FAM135B: variants seen among roughly 807,000 people sequenced by gnomAD.
FAM135B encodes family with sequence similarity 135 member B, also known as protein FAM135B.
A neutral mutation model predicts 127.7 loss-of-function variants in FAM135B; 43 were observed. That is an observed-to-expected ratio of 0.34 (90% CI 0.26 to 0.43). The LOEUF is 0.43. Ranked by LOEUF, FAM135B falls within the 20% of genes least tolerant of loss-of-function variation. FAM135B has a pLI of 1.00. For missense variants in FAM135B, 1,558 were observed against 1,725.6 expected (o/e 0.90, Z 1.72); for synonymous variants, 670 against 665.1 (o/e 1.01, Z -0.11).
intron 2 of FAM135B, among the ~76,000 whole-genome samples, chr8:138,333,527 T>A (rs1010355724): frequency 1.3e-5 from 2 of 152,098 alleles, no homozygotes; most frequent in African/African-American, 4.8e-5. Flanking sequence ...TCCTCTGTTG[T>A]CTAAGGGCCG....
intron 3 of FAM135B, among the ~76,000 whole-genome samples, chr8:138,271,768 AC>A (rs1823394605): frequency 6.6e-6 from 1 of 152,228 alleles, no homozygotes; most frequent in Non-Finnish European, 1.5e-5. Flanking sequence ...TGGAAAAGTC[AC>A]TTTTCTATAA....
At chr8:138,164,315 A>G (rs1563715389) in intron 12 of FAM135B, among the ~76,000 whole-genome samples, 1 of 152,140 alleles carries the variant, frequency 6.6e-6, no homozygotes, top group Admixed American at 6.5e-5. Context: ...AGCCTGGAGA[A>G]GAGAGACCCG....
chr8:138,411,303 T>C (rs11993743), intron 1 of FAM135B, among the ~76,000 whole-genome samples: 1,579 of 152,006 alleles, frequency 0.01, 28 homozygotes, highest in African/African-American at 0.036. Flanking sequence ...TATAGATCAA[T>C]GGAACAGAAC....
intron 1 of FAM135B, among the ~76,000 whole-genome samples, chr8:138,397,096 T>C (rs1421763584): frequency 1.3e-5 from 2 of 152,168 alleles, no homozygotes; most frequent in Non-Finnish European, 2.9e-5. Flanking sequence ...GTCCCAGTCC[T>C]GAGCTGCCCA....
At chr8:138,201,786 A>G (rs1817139235) in intron 7 of FAM135B, among the ~76,000 whole-genome samples, 1 of 152,170 alleles carries the variant, frequency 6.6e-6, no homozygotes, top group Admixed American at 6.5e-5. Context: ...GGCAAATAGA[A>G]GGTCCCTGGC....
chr8:138,134,065 C>T (rs1816425797), intron 19 of FAM135B, among the ~76,000 whole-genome samples: 1 of 152,068 alleles, frequency 6.6e-6, no homozygotes, highest in South Asian at 2.1e-4. Flanking sequence ...TTACAACAGG[C>T]AATAATATGA....
intron 1 of FAM135B, among the ~76,000 whole-genome samples, chr8:138,383,751 A>G (rs1353731345): frequency 6.6e-6 from 1 of 152,174 alleles, no homozygotes; most frequent in African/African-American, 2.4e-5. Flanking sequence ...TTTTATTCTT[A>G]AAAGGTAATA....
Position 138,152,076 on chromosome 8 carries a change from T to C in FAM135B, c.2399A>G (p.Asp800Gly), listed in dbSNP as rs1818213543. ...GGAACCTTGGCTCTTGCTGTGCATA[T>C]CTGAAGGTTCAGCAAAACCTCCATC... The part of the protein sequence containing the change: ...QQDGGFAEPS[D>G]MHSKSQGSPG... Residue 800 changes from aspartate to glycine, a missense_variant, in exon 13 of 20, where the codon GAT (aspartate) becomes GGT (glycine). By Grantham distance (94) the Asp-to-Gly change is moderately conservative. This residue lies in a region of FAM135B where 923 missense variants were observed against 865.3 expected (regional missense o/e 1.07). Transcript: ENST00000395297. 1 of 1,613,984 alleles carries C rather than the reference T, an allele frequency of 6.2e-7. No individual in the cohort carries two copies. Among genetic ancestry groups the C allele is most frequent in the Admixed American group, 1.7e-5 (1 of 60,014 alleles).
Position 138,151,977 on chromosome 8 carries a change from A to G in FAM135B, c.2498T>C (p.Val833Ala), listed in dbSNP as rs2130750988. ...AGADHPLVEI[V>A]LDADNQQGPG... ...GCCCTGCTGGTTGTCAGCATCTAAA[A>G]CTATCTCCACCAGGGGATGGTCTGC... The change falls in exon 13 of 20, where the codon GTT becomes GCT. Residue 833 changes from valine (V) to alanine (A), a missense_variant. Val to Ala is a moderately conservative substitution (Grantham distance 64). Around this residue, in one of 5 missense-constraint regions of FAM135B, gnomAD observed 923 missense variants for 865.3 expected, o/e 1.07. Transcript: ENST00000395297. The G allele has an allele frequency of 1.2e-6, 2 of 1,613,982 alleles. No individual in the cohort carries two copies. The highest frequency in any genetic ancestry group is 1.7e-6 in the Non-Finnish European group (2 of 1,179,974).
At chr8:138,142,256 C>G (rs1004062862) in intron 16 of FAM135B, among the ~76,000 whole-genome samples, 3 of 142,654 alleles carry the variant, frequency 2.1e-5, no homozygotes, top group African/African-American at 7.8e-5. Context: ...TTGAAACTCT[C>G]TCTTTGGGGT....
intron 6 of FAM135B, among the ~76,000 whole-genome samples, chr8:138,248,384 C>A (rs1239859479): frequency 1.3e-5 from 2 of 152,198 alleles, no homozygotes; most frequent in African/African-American, 4.8e-5. Flanking sequence ...CTCAGAGCTT[C>A]CAGACATGGC....
intron 11 of FAM135B, among the ~76,000 whole-genome samples, chr8:138,172,542 G>A (rs530349763): frequency 8.5e-5 from 13 of 152,242 alleles, no homozygotes; most frequent in East Asian, 3.9e-4. Flanking sequence ...TCTATTACCC[G>A]GTTCTTTAGC....
intron 8 of FAM135B, among the ~76,000 whole-genome samples, chr8:138,196,350 C>T (rs1302976431): frequency 1.3e-5 from 2 of 152,078 alleles, no homozygotes; most frequent in African/African-American, 2.4e-5. Flanking sequence ...AGAGTAGTGC[C>T]TGAGTACAGG....
intron 4 of FAM135B, among the ~76,000 whole-genome samples, chr8:138,258,820 C>CACCAT (rs1014153132): frequency 2.0e-5 from 3 of 150,666 alleles, no homozygotes; most frequent in African/African-American, 7.3e-5. Context: ...CACACACACA[C>CACCAT]ACACACACAC....
At chr8:138,281,310 T>C (rs1824246156) in intron 3 of FAM135B, among the ~76,000 whole-genome samples, 1 of 152,068 alleles carries the variant, frequency 6.6e-6, no homozygotes, top group African/African-American at 2.4e-5. Flanking sequence ...AAATAAAATA[T>C]ACACAGAAGT....
chr8:138,394,011 A>G (rs1407887196), intron 1 of FAM135B, among the ~76,000 whole-genome samples: 2 of 152,148 alleles, frequency 1.3e-5, no homozygotes, highest in Non-Finnish European at 2.9e-5. Flanking sequence ...CTGAGCAAAC[A>G]GGACACTTTG....
chr8:138,154,759 GA>G (rs1347676650), intron 12 of FAM135B, among the ~76,000 whole-genome samples: 1 of 152,090 alleles, frequency 6.6e-6, no homozygotes, highest in East Asian at 1.9e-4. Flanking sequence ...AGAGTAAAAA[GA>G]AATGAACAAA....
chr8:138,388,118 C>G (rs1231148969), intron 1 of FAM135B, among the ~76,000 whole-genome samples: 2 of 152,118 alleles, frequency 1.3e-5, no homozygotes, highest in Admixed American at 6.6e-5. Flanking sequence ...AAAAGACACA[C>G]AGATGGCAAA....
chr8:138,171,607 A>T (rs1324303940), intron 11 of FAM135B, among the ~76,000 whole-genome samples: 1 of 152,240 alleles, frequency 6.6e-6, no homozygotes, highest in East Asian at 1.9e-4. Flanking sequence ...AAATTAATCA[A>T]CATGGCATAT....
Sources: allele counts gnomAD v4.1 joint callset (sites outside exome capture counted in the v4.1 genomes callset), GRCh38; gene constraint gnomAD v4.1.1; regional missense constraint gnomAD v4.1.1; transcripts MANE v1.5; gene names NCBI Gene and HGNC (gene_info 2026-07-23, HGNC 2026-07-21).